HIP1: variants seen among roughly 807,000 people sequenced by gnomAD.
HIP1 encodes huntingtin-interacting protein 1.
HIP1 carries 65 observed loss-of-function variants against 147.6 expected under a neutral mutation model. That is an observed-to-expected ratio of 0.44 (90% CI 0.36 to 0.54). The LOEUF is 0.54. HIP1 is among the 20% of genes least tolerant of loss of function. HIP1 has a pLI of 0.00. For synonymous variants in HIP1, 479 were observed against 504.0 expected (o/e 0.95, Z 0.67); for missense variants, 1,061 against 1,299.6 (o/e 0.82, Z 2.82).
intron 8 of HIP1, among the ~76,000 whole-genome samples, chr7:75,569,938 A>G (rs1180062241): frequency 6.9e-6 from 1 of 145,648 alleles, no homozygotes; most frequent in Non-Finnish European, 1.5e-5. Context: ...TAAAGTACGA[A>G]CTTTTTTTTT....
chr7:75,606,006 T>C (rs2117036208), intron 1 of HIP1, among the ~76,000 whole-genome samples: 1 of 152,226 alleles, frequency 6.6e-6, no homozygotes, highest in South Asian at 2.1e-4. Context: ...CATACCACTA[T>C]GCCTGGCTAG....
chr7:75,669,843 C>A (rs1166272437), intron 1 of HIP1, among the ~76,000 whole-genome samples: 1 of 152,152 alleles, frequency 6.6e-6, no homozygotes, highest in Admixed American at 6.6e-5. Flanking sequence ...GCTCTGTCAC[C>A]CAGGCTGGAG....
At chr7:75,558,301 C>T (rs782778627) in intron 14 of HIP1, 46 bp from the exon 15 acceptor site, 1 of 1,412,938 alleles carries the variant, frequency 7.1e-7, no homozygotes, top group Non-Finnish European at 1.0e-6. Flanking sequence ...TAGCAGGGAC[C>T]CTTGCCTTCC....
At chr7:75,541,577 T>C (rs185404509) in intron 29 of HIP1, among the ~76,000 whole-genome samples, 2 of 151,032 alleles carry the variant, frequency 1.3e-5, no homozygotes, top group East Asian at 3.9e-4. Context: ...ACGTCTGTAA[T>C]CCCAGCTACT....
At chr7:75,636,638 A>G (rs1388762436) in intron 1 of HIP1, among the ~76,000 whole-genome samples, 1 of 152,234 alleles carries the variant, frequency 6.6e-6, no homozygotes, top group Admixed American at 6.5e-5. Flanking sequence ...ACACAGGCAC[A>G]GGTCTGTGCT....
chr7:75,663,228 C>T (rs1554513896), intron 1 of HIP1, among the ~76,000 whole-genome samples: 1 of 152,122 alleles, frequency 6.6e-6, no homozygotes, highest in East Asian at 1.9e-4. Context: ...GTAGGAAGAT[C>T]CCGGACAGCG....
intron 1 of HIP1, among the ~76,000 whole-genome samples, chr7:75,729,741 G>A (rs572656884): frequency 5.3e-4 from 80 of 152,192 alleles, no homozygotes; most frequent in African/African-American, 1.7e-3. Flanking sequence ...AGCCGAGATC[G>A]CGCTACTGCA....
chr7:75,581,421 A>C, intron 6 of HIP1, 123 bp from the exon 7 acceptor site: 1 of 690,962 alleles, frequency 1.4e-6, no homozygotes, highest in Non-Finnish European at 2.6e-6. Flanking sequence ...AAACACACAC[A>C]CAACTCCAGC....
intron 7 of HIP1, among the ~76,000 whole-genome samples, chr7:75,578,200 G>A (rs1554498049): frequency 2.0e-5 from 3 of 152,186 alleles, no homozygotes; most frequent in Non-Finnish European, 2.9e-5. Flanking sequence ...TGAAACATTT[G>A]TCTTGCTTAT....
intron 1 of HIP1, among the ~76,000 whole-genome samples, chr7:75,735,686 T>TCTTTC (rs58184050): frequency 1.3e-5 from 2 of 151,620 alleles, no homozygotes; most frequent in Non-Finnish European, 2.9e-5. Context: ...TCTTTTCTTT[T>TCTTTC]TCTTTTTCTT....
chr7:75,599,587 C>T (rs1554502609), intron 1 of HIP1, among the ~76,000 whole-genome samples: 1 of 152,184 alleles, frequency 6.6e-6, no homozygotes, highest in East Asian at 1.9e-4. Flanking sequence ...AACATTATTT[C>T]TCCCGGAGCA....
intron 1 of HIP1, among the ~76,000 whole-genome samples, chr7:75,714,377 G>C (rs1247774689): frequency 6.6e-6 from 1 of 151,930 alleles, no homozygotes; most frequent in African/African-American, 2.4e-5. Context: ...TAAATTTTCA[G>C]AGGAGCTGCA....
intron 30 of HIP1, 122 bp downstream of exon 30, chr7:75,539,201 A>G: frequency 1.5e-6 from 1 of 686,510 alleles, no homozygotes; most frequent in Non-Finnish European, 2.6e-6. Flanking sequence ...TGAGGAGAGA[A>G]GAGAAGGAAG....
At chr7:75,634,543 C>T (rs1253257294) in intron 1 of HIP1, among the ~76,000 whole-genome samples, 1 of 152,186 alleles carries the variant, frequency 6.6e-6, no homozygotes, top group Non-Finnish European at 1.5e-5. Context: ...TATCAGATGT[C>T]ACTTTTCTGA....
At chr7:75,594,952 C>A (rs1308070405) in intron 2 of HIP1, among the ~76,000 whole-genome samples, 1 of 152,158 alleles carries the variant, frequency 6.6e-6, no homozygotes, top group Non-Finnish European at 1.5e-5. Context: ...CAACTCTGTG[C>A]CCGGAACTTT....
At chr7:75,587,937 C>G (rs1454847320) in intron 4 of HIP1, among the ~76,000 whole-genome samples, 1 of 152,132 alleles carries the variant, frequency 6.6e-6, no homozygotes, top group African/African-American at 2.4e-5. Context: ...ATTCCTCCAG[C>G]CTTGGTGACA....
intron 1 of HIP1, among the ~76,000 whole-genome samples, chr7:75,677,037 A>G (rs2117260205): frequency 1.3e-5 from 2 of 151,542 alleles, no homozygotes; most frequent in South Asian, 4.2e-4. Flanking sequence ...TCTACTAAAT[A>G]TACAAAAATT....
intron 1 of HIP1, among the ~76,000 whole-genome samples, chr7:75,662,976 CT>C (rs1799363823): frequency 6.6e-6 from 1 of 152,192 alleles, no homozygotes; most frequent in African/African-American, 2.4e-5. Flanking sequence ...CATGCTGAGG[CT>C]TCCTCAATGA....
At chr7:75,667,643 G>A (rs1425878642) in intron 1 of HIP1, among the ~76,000 whole-genome samples, 2 of 152,034 alleles carry the variant, frequency 1.3e-5, no homozygotes, top group African/African-American at 4.8e-5. Flanking sequence ...GTGCCATCAC[G>A]CCTGGCTAAT....
Sources: allele counts gnomAD v4.1 joint callset (sites outside exome capture counted in the v4.1 genomes callset), GRCh38; gene constraint gnomAD v4.1.1; transcripts MANE v1.5; gene names NCBI Gene and HGNC (gene_info 2026-07-23, HGNC 2026-07-21).